The following RNF217 variants were observed in gnomAD, a reference collection of about 807,000 sequenced individuals.
RNF217 encodes ring finger protein 217, also known as E3 ubiquitin-protein ligase RNF217.
RNF217 carries 31 observed loss-of-function variants against 57.8 expected under a neutral mutation model. The ratio of observed to expected loss-of-function variants is 0.54; its 90% confidence interval spans 0.40 to 0.72. The LOEUF (loss-of-function observed/expected upper bound fraction) is 0.72, where lower values mean the gene tolerates loss of function less well. RNF217 is among the 30% of genes least tolerant of loss of function. The pLI is 0.00. For missense variants in RNF217, 696 were observed against 708.3 expected (o/e 0.98, Z 0.20); for synonymous variants, 313 against 294.0 (o/e 1.06, Z -0.66).
At chr6:124,986,558 C>T in intron 1 of RNF217, among the ~76,000 whole-genome samples, 1 of 152,150 alleles carries the variant, frequency 6.6e-6, no homozygotes. Flanking sequence ...TTCAAATAGA[C>T]TTTTTAAAAG....
At chr6:125,065,390 A>G (rs1439788429) in intron 3 of RNF217, among the ~76,000 whole-genome samples, 1 of 152,180 alleles carries the variant, frequency 6.6e-6, no homozygotes, top group Non-Finnish European at 1.5e-5. Flanking sequence ...GAGTTTTACC[A>G]ATATGAATGT....
chr6:125,057,998 T>G lies in RNF217; in HGVS notation c.1173T>G (p.His391Gln), dbSNP rs772342392. The G allele has an allele frequency of 6.2e-7, 1 of 1,613,064 alleles. No individual in the cohort carries two copies. Among genetic ancestry groups the G allele is most frequent in the Non-Finnish European group, 8.5e-7 (1 of 1,179,414 alleles). The change falls in exon 3 of 6, where the codon CAT (histidine) becomes CAG (glutamine). Residue 391 changes from histidine (H) to glutamine (Q), a missense_variant. Coordinates refer to ENST00000521654, the MANE Select transcript of RNF217 (RefSeq NM_001286398.3). ...GTTTTAAGTGCCACTCTCCTTGGCA[T>G]GAAGGTGTTAACTGCAAGGAGTACA... is the stretch of plus-strand genomic sequence containing the variant. ...VWCFKCHSPWHEGVNCKEYKK... is the reference protein window; with the variant it reads ...VWCFKCHSPWQEGVNCKEYKK...
intron 2 of RNF217, chr6:125,048,271 T>G (rs745526666): frequency 1.7e-5 from 23 of 1,338,104 alleles, no homozygotes; most frequent in African/African-American, 7.4e-5. Context: ...TGAACATTTT[T>G]TATTTTGCAG....
At chr6:125,051,322 GTC>G (rs2114560129) in intron 2 of RNF217, among the ~76,000 whole-genome samples, 1 of 151,438 alleles carries the variant, frequency 6.6e-6, no homozygotes, top group Non-Finnish European at 1.5e-5. Context: ...GTGAAGAATC[GTC>G]TCTCTCTGAT....
At chr6:125,035,833 T>A (rs1161407648) in intron 1 of RNF217, among the ~76,000 whole-genome samples, 1 of 152,036 alleles carries the variant, frequency 6.6e-6, no homozygotes, top group Non-Finnish European at 1.5e-5. Context: ...CAAGACTTAT[T>A]TGTGGGTTTT....
At chr6:125,034,349 A>T (rs1256601661) in intron 1 of RNF217, among the ~76,000 whole-genome samples, 2 of 152,292 alleles carry the variant, frequency 1.3e-5, no homozygotes, top group East Asian at 1.9e-4. Flanking sequence ...TAAGTCTTTC[A>T]TTCATCTTGA....
intron 1 of RNF217, among the ~76,000 whole-genome samples, chr6:124,987,252 ATATT>A (rs1401432391): frequency 2.0e-5 from 3 of 152,206 alleles, no homozygotes; most frequent in East Asian, 1.9e-4. Context: ...TATAGTTCAC[ATATT>A]TAAAGTGTAT....
At chr6:125,040,678 C>T (rs918399034) in intron 1 of RNF217, among the ~76,000 whole-genome samples, 2 of 152,152 alleles carry the variant, frequency 1.3e-5, no homozygotes, top group Middle Eastern at 3.4e-3. Flanking sequence ...AACATTGAAG[C>T]GAAAATCATC....
rs552456268 is a variant in RNF217, at chr6:125,087,283, T to C, written c.*4346T>C. ...TAATTGGCATACTTTACTACAAAAA[T>C]AAGAAAATGTATGCCAAAAAACGTT... On this transcript the variant is annotated 3_prime_UTR_variant, in exon 6 of 6. Coordinates refer to ENST00000521654, the MANE Select transcript of RNF217 (RefSeq NM_001286398.3). 8.6e-5 allele frequency: 13 copies of C among 151,994 alleles called. No homozygotes were observed. Among genetic ancestry groups the C allele is most frequent in the Non-Finnish European group, 1.6e-4 (11 of 67,938 alleles). 9.4% of individuals were successfully genotyped at this position (151,994 alleles called of 1,614,324 possible).
chr6:125,001,574 T>C (rs1309028232), intron 1 of RNF217, among the ~76,000 whole-genome samples: 1 of 152,224 alleles, frequency 6.6e-6, no homozygotes, highest in Non-Finnish European at 1.5e-5. Context: ...GTATGGCGTT[T>C]TAGTGATAAA....
At chr6:124,980,009 A>G (rs1338650441) in intron 1 of RNF217, among the ~76,000 whole-genome samples, 1 of 152,182 alleles carries the variant, frequency 6.6e-6, no homozygotes, top group African/African-American at 2.4e-5. Context: ...CTTTCTATTG[A>G]GACATGCTAG....
intron 1 of RNF217, among the ~76,000 whole-genome samples, chr6:124,974,272 T>A (rs1031752214): frequency 6.6e-6 from 1 of 152,204 alleles, no homozygotes; most frequent in Non-Finnish European, 1.5e-5. Context: ...AAATCAAGAA[T>A]GTGGTGAATT....
chr6:124,989,245 A>G (rs1373761460), intron 1 of RNF217, among the ~76,000 whole-genome samples: 1 of 152,156 alleles, frequency 6.6e-6, no homozygotes, highest in Admixed American at 6.6e-5. Flanking sequence ...CATGTATTGT[A>G]TTCTTTTAGT....
intron 1 of RNF217, among the ~76,000 whole-genome samples, chr6:124,996,905 G>T (rs1051672173): frequency 3.3e-5 from 5 of 151,992 alleles, no homozygotes; most frequent in African/African-American, 9.7e-5. Context: ...TTGAAAGTTG[G>T]AGTATAAAAA....
intron 2 of RNF217, 59 bp downstream of exon 2, chr6:125,045,503 G>C (rs970237228): frequency 2.8e-5 from 37 of 1,323,490 alleles, no homozygotes; most frequent in African/African-American, 1.3e-4. Flanking sequence ...AGCCAGATTA[G>C]ATCCACTTGT....
At chr6:125,078,314 A>G (rs1040483565) in intron 4 of RNF217, among the ~76,000 whole-genome samples, 20 of 152,344 alleles carry the variant, frequency 1.3e-4, no homozygotes, top group African/African-American at 4.6e-4. Context: ...GAGCAACATG[A>G]AAACACAAAA....
chr6:125,029,312 C>G (rs1393364181), intron 1 of RNF217, among the ~76,000 whole-genome samples: 2 of 152,066 alleles, frequency 1.3e-5, no homozygotes, highest in East Asian at 1.9e-4. Flanking sequence ...CATATATATT[C>G]TTTTATTTTT....
Position 125,087,333 on chromosome 6 carries a change from C to T in RNF217, c.*4396C>T, listed in dbSNP as rs1411959642. The T allele has an allele frequency of 1.3e-5, 2 of 152,088 alleles. No individual in the cohort carries two copies. Among genetic ancestry groups the T allele is most frequent in the African/African-American group, 4.8e-5 (2 of 41,420 alleles). 9.4% of individuals were successfully genotyped at this position (152,088 alleles called of 1,614,324 possible). A position where few individuals can be genotyped will look rare whatever the true frequency, so the allele number is the denominator to read the frequency against. ...TTTTAGATTTTAATTTTATAAGCAACCTGCACATAAGCCTTAATGTGAGTC... is the reference window on the plus strand; with the variant it reads ...TTTTAGATTTTAATTTTATAAGCAATCTGCACATAAGCCTTAATGTGAGTC... On this transcript the variant is annotated 3_prime_UTR_variant, in exon 6 of 6. Coordinates refer to ENST00000521654, the MANE Select transcript of RNF217 (RefSeq NM_001286398.3).
intron 1 of RNF217, among the ~76,000 whole-genome samples, chr6:125,014,872 T>G (rs1464336525): frequency 6.6e-6 from 1 of 152,184 alleles, no homozygotes; most frequent in Non-Finnish European, 1.5e-5. Flanking sequence ...TGCATGTGCT[T>G]GACTGAACTT....
Sources: allele counts gnomAD v4.1 joint callset (sites outside exome capture counted in the v4.1 genomes callset), GRCh38; gene constraint gnomAD v4.1.1; transcripts MANE v1.5; gene names NCBI Gene and HGNC (gene_info 2026-07-23, HGNC 2026-07-21).